Variants in POU2F1 observed in about 807,000 individuals in gnomAD.
The protein encoded by POU2F1 is POU class 2 homeobox 1, also known as POU domain, class 2, transcription factor 1.
In POU2F1, 16 loss-of-function variants were observed where a neutral mutation model predicts 84.9. That is an observed-to-expected ratio of 0.19 (90% CI 0.13 to 0.29). The LOEUF (loss-of-function observed/expected upper bound fraction) is 0.29, where lower values mean the gene tolerates loss of function less well. POU2F1 is among the 10% of genes least tolerant of loss of function. The pLI is 1.00. For missense variants in POU2F1, 738 were observed against 942.6 expected (o/e 0.78, Z 2.84); for synonymous variants, 368 against 368.3 (o/e 1.00, Z 0.01).
chr1:167,298,521 A>G (rs776766621), intron 1 of POU2F1, among the ~76,000 whole-genome samples: 5 of 152,132 alleles, frequency 3.3e-5, no homozygotes, highest in African/African-American at 7.2e-5. Context: ...CATATTTCTT[A>G]TCGTAAAATA....
chr1:167,223,680 C>CA (rs774668155), intron 1 of POU2F1, among the ~76,000 whole-genome samples: 5 of 152,038 alleles, frequency 3.3e-5, no homozygotes, highest in Non-Finnish European at 5.9e-5. Context: ...AACCAGTTCT[C>CA]ACCATTTTTC....
intron 2 of POU2F1, among the ~76,000 whole-genome samples, chr1:167,362,762 G>A (rs925329885): frequency 3.3e-5 from 5 of 152,094 alleles, no homozygotes; most frequent in Non-Finnish European, 7.4e-5. Flanking sequence ...AATTTTAGAG[G>A]GCTTTGGGAC....
chr1:167,401,683 A>G (rs539553982), intron 13 of POU2F1, 127 bp downstream of exon 13: 122 of 520,518 alleles, frequency 2.3e-4, no homozygotes, highest in Admixed American at 2.6e-4. Context: ...ATAAATATCA[A>G]TTTTCTTTAA....
chr1:167,329,034 GGA>G, intron 1 of POU2F1: 1 of 1,160,266 alleles, frequency 8.6e-7, no homozygotes, highest in Non-Finnish European at 1.1e-6. Flanking sequence ...CTAGCTGGTA[GGA>G]GAGACTAAAA....
intron 1 of POU2F1, among the ~76,000 whole-genome samples, chr1:167,288,451 A>C (rs796348062): frequency 1.5e-4 from 23 of 152,298 alleles, no homozygotes; most frequent in African/African-American, 5.1e-4. Flanking sequence ...GTTTCTTAAA[A>C]GTTTATGTTG....
intron 1 of POU2F1, among the ~76,000 whole-genome samples, chr1:167,238,238 A>G (rs1472769481): frequency 6.6e-6 from 1 of 152,108 alleles, no homozygotes; most frequent in Non-Finnish European, 1.5e-5. Context: ...ATAGAGATTT[A>G]TCAACTGTAT....
At chr1:167,337,024 C>T (rs1038796055) in intron 2 of POU2F1, among the ~76,000 whole-genome samples, 4 of 151,906 alleles carry the variant, frequency 2.6e-5, no homozygotes, top group East Asian at 1.9e-4. Context: ...AAAAATTAGC[C>T]GGGCATGGTA....
chr1:167,294,936 C>T (rs1654181772), intron 1 of POU2F1, among the ~76,000 whole-genome samples: 1 of 152,074 alleles, frequency 6.6e-6, no homozygotes, highest in Non-Finnish European at 1.5e-5. Flanking sequence ...GAGTTTGAGA[C>T]CAGCCTTGCC....
chr1:167,222,293 T>G (rs1648287869), intron 1 of POU2F1, among the ~76,000 whole-genome samples: 1 of 152,204 alleles, frequency 6.6e-6, no homozygotes, highest in East Asian at 1.9e-4. Flanking sequence ...TCGTCTTTAC[T>G]CTCTGCTTAG....
intron 1 of POU2F1, among the ~76,000 whole-genome samples, chr1:167,321,117 A>G (rs1029066814): frequency 2.6e-5 from 4 of 152,238 alleles, no homozygotes; most frequent in Non-Finnish European, 4.4e-5. Context: ...GCAAGTGATC[A>G]TAACATTGAA....
chr1:167,405,548 C>A (rs922523796), intron 13 of POU2F1, among the ~76,000 whole-genome samples: 7 of 151,530 alleles, frequency 4.6e-5, no homozygotes, highest in African/African-American at 1.7e-4. Flanking sequence ...ATTAGCCAGG[C>A]GTGGTGGCAC....
At chr1:167,287,291 A>C (rs1180999392) in intron 1 of POU2F1, among the ~76,000 whole-genome samples, 1 of 152,232 alleles carries the variant, frequency 6.6e-6, no homozygotes, top group African/African-American at 2.4e-5. Context: ...GGAAACCCAG[A>C]GATAAGAAAC....
chr1:167,302,688 T>C (rs1175910393), intron 1 of POU2F1, among the ~76,000 whole-genome samples: 1 of 152,254 alleles, frequency 6.6e-6, no homozygotes, highest in Non-Finnish European at 1.5e-5. Context: ...GCCAGTTATA[T>C]GAGCACTGAG....
chr1:167,342,974 C>A (rs1262552663), intron 2 of POU2F1, among the ~76,000 whole-genome samples: 1 of 151,824 alleles, frequency 6.6e-6, no homozygotes, highest in Non-Finnish European at 1.5e-5. Flanking sequence ...AGTGAAGGAT[C>A]TTGGTGGTTT....
rs537386548 is a variant in POU2F1, at chr1:167,324,917, A to G, written c.62-7553A>G. The stretch of plus-strand genomic sequence containing the variant: ...GGGACACTGAGAGCCCCATAATGCA[A>G]CCTTAGAGGGTATCATTTACATAGT... On this transcript the variant is annotated intron_variant, in intron 1 of 15. Coordinates refer to ENST00000367866, the MANE Select transcript of POU2F1 (RefSeq NM_002697.4). Among the ~76,000 whole-genome samples, 287 of 152,272 alleles carry G rather than the reference A, an allele frequency of 1.9e-3. 2 individuals are homozygous for G. Among genetic ancestry groups the G allele is most frequent in the African/African-American group, 6.5e-3 (272 of 41,562 alleles).
At chr1:167,374,810 G>A (rs550279177) in intron 6 of POU2F1, among the ~76,000 whole-genome samples, 1 of 152,312 alleles carries the variant, frequency 6.6e-6, no homozygotes, top group Non-Finnish European at 1.5e-5. Flanking sequence ...GCTCACGCCT[G>A]TAATCCCAGC....
intron 8 of POU2F1, among the ~76,000 whole-genome samples, chr1:167,386,616 G>C (rs989401944): frequency 6.6e-6 from 1 of 152,166 alleles, no homozygotes; most frequent in African/African-American, 2.4e-5. Context: ...CCTCAAACTG[G>C]AAACAACCTA....
chr1:167,352,332 T>C (rs1467681615), intron 2 of POU2F1, among the ~76,000 whole-genome samples: 1 of 152,250 alleles, frequency 6.6e-6, no homozygotes, highest in Middle Eastern at 3.2e-3. Flanking sequence ...AAAAGAAATG[T>C]AGTTGAAGTA....
In POU2F1 at chr1:167,362,820, G is replaced by A. The variant is rs535281566; in HGVS notation, c.128-2647G>A. On this transcript the variant is annotated intron_variant, in intron 2 of 15. Transcript: ENST00000367866. Reference sequence around the variant, plus strand: ...GCCCAGTACCTGGCCCTAGGATGAAGGCAGAATATTGCCTGTAGAGTCTGA... The same window carrying A: ...GCCCAGTACCTGGCCCTAGGATGAAAGCAGAATATTGCCTGTAGAGTCTGA... 6.3e-4 allele frequency among the ~76,000 whole-genome samples: 96 copies of A among 152,232 alleles called. 1 individual carries two copies. Among genetic ancestry groups the A allele is most frequent in the African/African-American group, 2.2e-3 (91 of 41,524 alleles).
Sources: allele counts gnomAD v4.1 joint callset (sites outside exome capture counted in the v4.1 genomes callset), GRCh38; gene constraint gnomAD v4.1.1; transcripts MANE v1.5; gene names NCBI Gene and HGNC (gene_info 2026-07-23, HGNC 2026-07-21).